SLC10A7: variants seen among roughly 807,000 people sequenced by gnomAD.
SLC10A7 encodes solute carrier family 10 member 7.
SLC10A7 carries 29 observed loss-of-function variants against 43.2 expected under a neutral mutation model. The ratio of observed to expected loss-of-function variants is 0.67; its 90% CI spans 0.50 to 0.92. The LOEUF is 0.92. SLC10A7 is among the 40% of genes least tolerant of loss of function. The pLI is 0.00. For synonymous variants in SLC10A7, 152 were observed against 144.8 expected (o/e 1.05, Z -0.35); for missense variants, 295 against 403.2 (o/e 0.73, Z 2.30).
chr4:146,352,866 C>G (rs1466049126), intron 5 of SLC10A7, among the ~76,000 whole-genome samples: 1 of 144,160 alleles, frequency 6.9e-6, no homozygotes, highest in Non-Finnish European at 1.5e-5. Context: ...ATACCAGAAT[C>G]TCTGGGACGC....
chr4:146,437,527 G>T (rs1237465295), intron 5 of SLC10A7, among the ~76,000 whole-genome samples: 4 of 152,146 alleles, frequency 2.6e-5, no homozygotes, highest in Non-Finnish European at 5.9e-5. Context: ...TTATAAACAA[G>T]CCATGAACTT....
intron 6 of SLC10A7, 130 bp downstream of exon 6, chr4:146,325,831 C>A: frequency 1.2e-6 from 1 of 826,738 alleles, no homozygotes; most frequent in East Asian, 2.7e-5. Flanking sequence ...TGCGGTACAG[C>A]TAAACTGGAA....
chr4:146,283,317 C>T (rs1729668819), intron 9 of SLC10A7, 52 bp from the exon 10 acceptor site: 1 of 1,455,778 alleles, frequency 6.9e-7, no homozygotes, highest in East Asian at 2.3e-5. Context: ...GCCAATTTAA[C>T]ACATTCAAAA....
chr4:146,259,506 C>T (rs1300994768), intron 10 of SLC10A7, among the ~76,000 whole-genome samples: 1 of 152,140 alleles, frequency 6.6e-6, no homozygotes, highest in African/African-American at 2.4e-5. Flanking sequence ...GAGGCTGAGG[C>T]AGAAGAATCG....
intron 4 of SLC10A7, among the ~76,000 whole-genome samples, chr4:146,496,989 A>G (rs142042672): frequency 6.6e-6 from 1 of 152,348 alleles, no homozygotes; most frequent in Non-Finnish European, 1.5e-5. Flanking sequence ...TGGACATAGA[A>G]GTGCATATTG....
At chr4:146,451,785 C>A (rs1405720037) in intron 4 of SLC10A7, among the ~76,000 whole-genome samples, 3 of 152,066 alleles carry the variant, frequency 2.0e-5, no homozygotes, top group African/African-American at 7.2e-5. Flanking sequence ...GATTTCCATG[C>A]AGCAAAGTTC....
Position 146,491,974 on chromosome 4 carries a change from T to A in SLC10A7, c.396+11875A>T, listed in dbSNP as rs541325097. 3.9e-5 allele frequency among the ~76,000 whole-genome samples: 6 copies of A among 152,106 alleles called. No individual in the cohort carries two copies. In the East Asian group the frequency reaches 1.2e-3, roughly 29 times the overall value. ...GGGTCACGCCTGTAATCCCAGCACT[T>A]TGGGAGGCTGAGGCGGGCGGATCAC... On this transcript the variant is annotated intron_variant, in intron 4 of 11. Coordinates refer to ENST00000335472, the MANE Select transcript of SLC10A7 (RefSeq NM_001029998.6).
intron 10 of SLC10A7, among the ~76,000 whole-genome samples, chr4:146,268,748 T>C (rs149467518): frequency 2.0e-5 from 3 of 152,128 alleles, no homozygotes; most frequent in African/African-American, 7.2e-5. Context: ...ACACACAGCA[T>C]CAGGACATAG....
chr4:146,487,651 A>G (rs745307507), intron 4 of SLC10A7, among the ~76,000 whole-genome samples: 4 of 152,224 alleles, frequency 2.6e-5, no homozygotes, highest in Non-Finnish European at 5.9e-5. Flanking sequence ...GGGACTTTGG[A>G]CAAGTCATCT....
intron 4 of SLC10A7, among the ~76,000 whole-genome samples, chr4:146,443,663 T>A (rs1730788468): frequency 1.3e-5 from 2 of 152,216 alleles, no homozygotes; most frequent in African/African-American, 4.8e-5. Context: ...AATTAATCAT[T>A]GTGGACATTA....
intron 5 of SLC10A7, among the ~76,000 whole-genome samples, chr4:146,345,682 T>C (rs1298517054): frequency 6.6e-6 from 1 of 152,154 alleles, no homozygotes; most frequent in African/African-American, 2.4e-5. Flanking sequence ...GTGTGATTAT[T>C]TCATTAATGC....
At chr4:146,394,001 T>C (rs1166680364) in intron 5 of SLC10A7, among the ~76,000 whole-genome samples, 1 of 152,162 alleles carries the variant, frequency 6.6e-6, no homozygotes, top group Non-Finnish European at 1.5e-5. Context: ...GTAAAATTGT[T>C]TCAAAGACCC....
rs1299766086 is a variant in SLC10A7, at chr4:146,441,891, A to G, written c.435+892T>C. 5 of 982,828 alleles carry G rather than the reference A, an allele frequency of 5.1e-6. No individual in the cohort carries two copies. The African/African-American group carries it at 8.7e-5, about 17-fold the overall frequency. The allele number at this position is 982,828 out of a possible 1,614,324, so 60.9% of individuals were successfully genotyped here. A position where few individuals can be genotyped will look rare whatever the true frequency, so the allele number is the denominator to read the frequency against. ...GCTTTAACTACATTTAAATACATAC[A>G]ATAATAATTAACAGAGCATTTTAAA... On this transcript the variant is annotated intron_variant, in intron 5 of 11. Transcript: ENST00000335472.
intron 4 of SLC10A7, among the ~76,000 whole-genome samples, chr4:146,444,757 T>C (rs1386874959): frequency 6.6e-6 from 1 of 152,194 alleles, no homozygotes; most frequent in Non-Finnish European, 1.5e-5. Flanking sequence ...CTCAGTCAGC[T>C]ATACTGTCCT....
At position 146,502,626 on chromosome 4, in the gene SLC10A7, G is replaced by A. The variant is rs74964488; in HGVS notation, c.396+1223C>T. Among the ~76,000 whole-genome samples, 815 of 152,174 alleles carry A rather than the reference G, an allele frequency of 5.4e-3. 8 individuals carry two copies. Among genetic ancestry groups the A allele is most frequent in the African/African-American group, 0.019 (779 of 41,504 alleles). On this transcript the variant is annotated intron_variant, in intron 4 of 11. Coordinates refer to ENST00000335472, the MANE Select transcript of SLC10A7 (RefSeq NM_001029998.6). ...AAAATGCCCAAATTTCCATCAACAA[G>A]TGAATGGATAAACAATTTGTAGTGT...
chr4:146,256,820 G>T, intron 11 of SLC10A7: 1 of 1,523,214 alleles, frequency 6.6e-7, no homozygotes, highest in Non-Finnish European at 8.8e-7. Flanking sequence ...AGGCACTCAT[G>T]GATACCTGGA....
intron 4 of SLC10A7, among the ~76,000 whole-genome samples, chr4:146,449,661 C>T (rs1393290035): frequency 6.6e-6 from 1 of 151,974 alleles, no homozygotes; most frequent in East Asian, 1.9e-4. Flanking sequence ...AAAATAAAAA[C>T]ACAAACCACC....
intron 5 of SLC10A7, among the ~76,000 whole-genome samples, chr4:146,407,247 A>T (rs1358541605): frequency 6.6e-6 from 1 of 152,202 alleles, no homozygotes; most frequent in Non-Finnish European, 1.5e-5. Context: ...TGATATACAA[A>T]TAACTGCATA....
At chr4:146,335,676 C>T (rs781027904) in intron 5 of SLC10A7, among the ~76,000 whole-genome samples, 2 of 152,016 alleles carry the variant, frequency 1.3e-5, no homozygotes, top group Non-Finnish European at 2.9e-5. Context: ...TCAAATACCA[C>T]CACTGAGCTA....
Sources: allele counts gnomAD v4.1 joint callset (sites outside exome capture counted in the v4.1 genomes callset), GRCh38; gene constraint gnomAD v4.1.1; transcripts MANE v1.5; gene names NCBI Gene and HGNC (gene_info 2026-07-23, HGNC 2026-07-21).